Variants in HHIP observed in about 807,000 individuals in gnomAD.
HHIP encodes hedgehog-interacting protein.
Under a neutral mutation model 74.0 loss-of-function variants are expected in HHIP, and 12 were observed. That is an observed-to-expected ratio of 0.16 (90% CI 0.10 to 0.26). The LOEUF is 0.26. HHIP is among the 10% of genes least tolerant of loss of function. HHIP has a pLI of 1.00. For missense variants in HHIP, 788 were observed against 845.0 expected (o/e 0.93, Z 0.84); for synonymous variants, 309 against 311.6 (o/e 0.99, Z 0.09).
At chr4:144,701,266 T>C (rs1320034479) in intron 4 of HHIP, among the ~76,000 whole-genome samples, 3 of 152,102 alleles carry the variant, frequency 2.0e-5, no homozygotes, top group Non-Finnish European at 4.4e-5. Context: ...TCTTACTGTT[T>C]GTAGAAACTC....
intron 4 of HHIP, among the ~76,000 whole-genome samples, chr4:144,667,300 G>A (rs1366103716): frequency 1.3e-5 from 2 of 152,088 alleles, no homozygotes; most frequent in Non-Finnish European, 1.5e-5. Context: ...AGTGAGCTAT[G>A]ATTTTGCCAC....
At chr4:144,737,361 C>G (rs1416173408) in intron 12 of HHIP, among the ~76,000 whole-genome samples, 2 of 152,196 alleles carry the variant, frequency 1.3e-5, no homozygotes. Flanking sequence ...GTGTCTCCCC[C>G]TCAGGCTGGG....
chr4:144,740,530 T>C lies in HHIP; in HGVS notation c.*2573T>C, dbSNP rs563123254. 1.4e-4 allele frequency: 21 copies of C among 152,342 alleles called. No individual in the cohort carries two copies. In the South Asian group the frequency reaches 3.3e-3, roughly 24 times the overall value. 9.4% of individuals were successfully genotyped at this position (152,342 alleles called of 1,614,324 possible). A position where few individuals can be genotyped will look rare whatever the true frequency, so the allele number is the denominator to read the frequency against. ...TTTCTTTCTGTTCTTAGGAGAAAAG[T>C]AGATAGCACTGGCTAATTGATGGCA... On this transcript the variant is annotated 3_prime_UTR_variant, in exon 13 of 13. Transcript: ENST00000296575.
chr4:144,681,429 T>C (rs1249518708), intron 4 of HHIP, among the ~76,000 whole-genome samples: 2 of 147,400 alleles, frequency 1.4e-5, no homozygotes, highest in Non-Finnish European at 3.0e-5. Context: ...TTCTTTTTTT[T>C]TTTTTTTTTT....
intron 7 of HHIP, among the ~76,000 whole-genome samples, chr4:144,711,331 A>T (rs1171204039): frequency 2.0e-5 from 3 of 151,828 alleles, no homozygotes; most frequent in Non-Finnish European, 4.4e-5. Flanking sequence ...TGTTTTTTTT[A>T]TGTTATTTTA....
intron 4 of HHIP, among the ~76,000 whole-genome samples, chr4:144,701,753 T>C (rs1187792234): frequency 6.6e-6 from 1 of 152,240 alleles, no homozygotes; most frequent in Admixed American, 6.5e-5. Flanking sequence ...ATGGCTTTCA[T>C]AATATCATAG....
intron 11 of HHIP, among the ~76,000 whole-genome samples, chr4:144,729,260 T>A (rs935755394): frequency 6.6e-6 from 1 of 152,090 alleles, no homozygotes; most frequent in Admixed American, 6.6e-5. Context: ...AAATGATGAG[T>A]GGTCAAGGAT....
chr4:144,662,604 G>T, intron 4 of HHIP, among the ~76,000 whole-genome samples: 1 of 152,210 alleles, frequency 6.6e-6, no homozygotes, highest in East Asian at 1.9e-4. Context: ...TGATGATAGT[G>T]TACTCTACAA....
At chr4:144,667,294 A>AG (rs1728900627) in intron 4 of HHIP, among the ~76,000 whole-genome samples, 1 of 152,190 alleles carries the variant, frequency 6.6e-6, no homozygotes, top group Admixed American at 6.5e-5. Context: ...GGTTGCAGTG[A>AG]GCTATGATTT....
intron 4 of HHIP, among the ~76,000 whole-genome samples, chr4:144,665,123 C>T (rs1320547134): frequency 6.6e-6 from 1 of 151,882 alleles, no homozygotes; most frequent in Non-Finnish European, 1.5e-5. Context: ...CCCAGGCTGC[C>T]GAGTGCAGTG....
intron 4 of HHIP, among the ~76,000 whole-genome samples, chr4:144,688,850 C>T (rs1308422282): frequency 6.6e-6 from 1 of 152,136 alleles, no homozygotes; most frequent in Non-Finnish European, 1.5e-5. Flanking sequence ...AGGCCATAGA[C>T]ATTTTATGAA....
At chr4:144,675,166 T>C (rs555518278) in intron 4 of HHIP, among the ~76,000 whole-genome samples, 2 of 152,324 alleles carry the variant, frequency 1.3e-5, no homozygotes, top group South Asian at 2.1e-4. Flanking sequence ...GAGTTCCAAA[T>C]GGATTCATAG....
chr4:144,669,262 A>G (rs1378063713), intron 4 of HHIP, among the ~76,000 whole-genome samples: 1 of 152,182 alleles, frequency 6.6e-6, no homozygotes, highest in Non-Finnish European at 1.5e-5. Flanking sequence ...GTTTTGAAAA[A>G]TAAGGTGCTA....
At chr4:144,685,538 C>T (rs2126627548) in intron 4 of HHIP, 1 of 152,308 alleles carries the variant, frequency 6.6e-6, no homozygotes, top group Middle Eastern at 3.4e-3. Flanking sequence ...GAGTTAGTAT[C>T]TTATGCCTGA....
Position 144,708,068 on chromosome 4 carries a change from G to A in HHIP, c.1158-100G>A, listed in dbSNP as rs1730194824. 3 of 1,232,180 alleles carry A rather than the reference G, an allele frequency of 2.4e-6. No individual in the cohort carries two copies. In the African/African-American group the frequency reaches 4.5e-5, roughly 18 times the overall value. The allele number at this position is 1,232,180 out of a possible 1,614,324, so 76.3% of individuals were successfully genotyped here. A position where few individuals can be genotyped will look rare whatever the true frequency, so the allele number is the denominator to read the frequency against. On this transcript the variant is annotated intron_variant, in intron 6 of 12. Transcript: ENST00000296575. ...ACTTTAATATTTTATTTCAACTAAG[G>A]GGATGATTTTTTCATCAATAGAGCA...
At chr4:144,730,713 T>C (rs531232354) in intron 11 of HHIP, among the ~76,000 whole-genome samples, 3 of 152,318 alleles carry the variant, frequency 2.0e-5, no homozygotes, top group African/African-American at 7.2e-5. Flanking sequence ...AGATGGTCTA[T>C]TTCAACATGA....
intron 11 of HHIP, among the ~76,000 whole-genome samples, chr4:144,721,767 G>C (rs936841357): frequency 6.6e-6 from 1 of 152,036 alleles, no homozygotes; most frequent in Non-Finnish European, 1.5e-5. Context: ...GCTGGGCATG[G>C]TAGCGGGTGC....
chr4:144,701,874 C>CA (rs1375443421), intron 4 of HHIP, among the ~76,000 whole-genome samples: 1 of 152,028 alleles, frequency 6.6e-6, no homozygotes, highest in Non-Finnish European at 1.5e-5. Flanking sequence ...GACATTAGGG[C>CA]AAATTTAAAG....
At chr4:144,687,550 G>T (rs187578411) in intron 4 of HHIP, among the ~76,000 whole-genome samples, 1 of 152,070 alleles carries the variant, frequency 6.6e-6, no homozygotes, top group Admixed American at 6.6e-5. Context: ...TGCTCATAGT[G>T]TAGTGAGCCT....
Sources: gnomAD v4.1 joint callset for allele counts (sites outside exome capture counted in the v4.1 genomes callset) on GRCh38, gnomAD v4.1.1 for gene constraint, MANE v1.5 for transcripts, NCBI Gene and HGNC (gene_info 2026-07-23, HGNC 2026-07-21) for gene names.